The following PDE10A variants were observed in gnomAD, a reference collection of about 807,000 sequenced individuals.
The protein encoded by PDE10A is cAMP and cAMP-inhibited cGMP 3',5'-cyclic phosphodiesterase 10A.
In PDE10A, 39 loss-of-function variants were observed where a neutral mutation model predicts 97.7. That is an observed-to-expected ratio of 0.40 (90% CI 0.31 to 0.52). PDE10A has a LOEUF of 0.52. Ranked by LOEUF, PDE10A falls within the 20% of genes least tolerant of loss-of-function variation. The pLI, the probability that PDE10A is intolerant of heterozygous loss-of-function variation, is 0.56. For synonymous variants in PDE10A, 371 were observed against 376.8 expected (o/e 0.98, Z 0.18); for missense variants, 731 against 1,047.8 (o/e 0.70, Z 4.17).
At chr6:165,832,210 G>A (rs1229500274) in intron 1 of PDE10A, among the ~76,000 whole-genome samples, 3 of 151,960 alleles carry the variant, frequency 2.0e-5, no homozygotes, top group Non-Finnish European at 4.4e-5. Flanking sequence ...AAAATACTTA[G>A]TTCCTGTCAC....
chr6:165,884,859 G>A (rs1248728968), intron 1 of PDE10A, among the ~76,000 whole-genome samples: 1 of 152,156 alleles, frequency 6.6e-6, no homozygotes, highest in African/African-American at 2.4e-5. Flanking sequence ...AGGGCTTCAG[G>A]GCTAATTGGA....
At chr6:165,947,691 A>G (rs921774653) in intron 1 of PDE10A, among the ~76,000 whole-genome samples, 4 of 152,122 alleles carry the variant, frequency 2.6e-5, no homozygotes, top group Non-Finnish European at 5.9e-5. Context: ...GGACTCACGT[A>G]TTTTTATTGA....
Position 165,329,953 on chromosome 6 carries a change from T to C in PDE10A, c.*3072A>G, listed in dbSNP as rs1259600719. On this transcript the variant is annotated 3_prime_UTR_variant, in exon 22 of 22. Transcript: ENST00000539869. The stretch of plus-strand genomic sequence containing the variant: ...TATTAATAGGGCTATTTTTTAGAAT[T>C]AGTTTCCACATCCATTGTATTTCTT... The C allele has an allele frequency of 2.6e-5, 4 of 152,232 alleles. No individual in the cohort carries two copies. The highest frequency in any genetic ancestry group is 4.8e-5 in the African/African-American group (2 of 41,458). The allele number at this position is 152,232 out of a possible 1,614,324, so 9.4% of individuals were successfully genotyped here. A position where few individuals can be genotyped will look rare whatever the true frequency, so the allele number is the denominator to read the frequency against.
At chr6:165,799,894 C>T (rs148185810) in intron 1 of PDE10A, among the ~76,000 whole-genome samples, 3 of 152,192 alleles carry the variant, frequency 2.0e-5, no homozygotes, top group Non-Finnish European at 2.9e-5. Context: ...GCTTGGCCCA[C>T]GCTTTCTGCA....
intron 18 of PDE10A, among the ~76,000 whole-genome samples, chr6:165,361,713 C>G (rs998706546): frequency 3.3e-5 from 5 of 152,120 alleles, no homozygotes; most frequent in Non-Finnish European, 7.4e-5. Context: ...TGGAGTGATA[C>G]TCTCATAGAC....
rs1207879704 is a variant in PDE10A, at chr6:165,588,271, A to AT, written c.866-44704dup. ...TGGAGAGTGAGGGAAATAAAGTGAGATTTTTTTTTCTTTTTTTTTTTTTTT... is the reference window on the plus strand; with the variant it reads ...TGGAGAGTGAGGGAAATAAAGTGAGATTTTTTTTTTCTTTTTTTTTTTTTTT... On this transcript the variant is annotated intron_variant, in intron 1 of 21. Coordinates refer to ENST00000539869, the MANE Select transcript of PDE10A (RefSeq NM_001385079.1). Among the ~76,000 whole-genome samples, 196 of 103,372 alleles carry AT rather than the reference A, an allele frequency of 1.9e-3. 1 individual carries two copies. Among genetic ancestry groups the AT allele is most frequent in the African/African-American group, 6.0e-3 (163 of 26,966 alleles). The allele number at this position is 103,372 out of a possible 152,430, so 67.8% of individuals were successfully genotyped here.
chr6:165,667,337 C>G (rs1372727890), upstream of PDE10A, among the ~76,000 whole-genome samples: 2 of 152,108 alleles, frequency 1.3e-5, no homozygotes, highest in African/African-American at 2.4e-5. Context: ...TTTGTAGTCT[C>G]TTATCCTTCA....
At chr6:165,987,930 G>C in exon 1 of PDE10A, 1 of 373,096 alleles carries the variant, frequency 2.7e-6, no homozygotes, top group South Asian at 2.0e-5. Context: ...CAGCAACTTC[G>C]GACTCAGACC....
At chr6:165,530,680 C>T (rs142019622) in intron 2 of PDE10A, among the ~76,000 whole-genome samples, 3,003 of 152,124 alleles carry the variant, frequency 0.02, 54 homozygotes, top group Non-Finnish European at 0.025. Flanking sequence ...TTCTTTGATG[C>T]TCCACAAACG....
intron 9 of PDE10A, among the ~76,000 whole-genome samples, chr6:165,429,773 T>C (rs1284589877): frequency 6.6e-6 from 1 of 152,110 alleles, no homozygotes; most frequent in African/African-American, 2.4e-5. Context: ...ATATCTATTA[T>C]ATAATTGCTT....
intron 1 of PDE10A, among the ~76,000 whole-genome samples, chr6:165,861,503 C>T (rs905193190): frequency 7.9e-5 from 12 of 151,516 alleles, no homozygotes; most frequent in South Asian, 4.2e-4. Context: ...AAAGGGGGGA[C>T]GAGGGCCCCA....
At chr6:165,752,757 C>T (rs1222876168) in intron 1 of PDE10A, among the ~76,000 whole-genome samples, 1 of 152,126 alleles carries the variant, frequency 6.6e-6, no homozygotes, top group Non-Finnish European at 1.5e-5. Flanking sequence ...ACAAAATGCT[C>T]ATGTATTGGT....
chr6:165,398,974 G>A (rs1024616642), intron 13 of PDE10A, among the ~76,000 whole-genome samples: 10 of 152,128 alleles, frequency 6.6e-5, no homozygotes, highest in African/African-American at 2.4e-4. Context: ...AAATTAAAAT[G>A]ATGGAAAAGA....
chr6:165,634,761 T>C (rs78005318), intron 1 of PDE10A, among the ~76,000 whole-genome samples: 1,918 of 152,256 alleles, frequency 0.013, 46 homozygotes, highest in African/African-American at 0.044. Context: ...AAGTAACCAC[T>C]TGTTCTGGAA....
intron 1 of PDE10A, among the ~76,000 whole-genome samples, chr6:165,806,136 G>T (rs1008184698): frequency 6.7e-6 from 1 of 149,656 alleles, no homozygotes; most frequent in East Asian, 2.0e-4. Context: ...GGGCCAGAGG[G>T]TACTCAGGCA....
intron 1 of PDE10A, among the ~76,000 whole-genome samples, chr6:165,839,449 TTTCCCAATTCTA>T (rs1230888172): frequency 1.3e-5 from 2 of 152,232 alleles, no homozygotes; most frequent in Admixed American, 6.5e-5. Flanking sequence ...GATTTCTTTT[TTTCCCAATTCTA>T]TTCCCAATAG....
At chr6:165,813,462 C>T (rs1779332879) in intron 1 of PDE10A, among the ~76,000 whole-genome samples, 1 of 151,072 alleles carries the variant, frequency 6.6e-6, no homozygotes, top group South Asian at 2.1e-4. Context: ...ATGACCAAAT[C>T]AGGTCATAAA....
chr6:165,488,573 C>G (rs1780050954), intron 2 of PDE10A, among the ~76,000 whole-genome samples: 1 of 152,104 alleles, frequency 6.6e-6, no homozygotes. Flanking sequence ...AAGGAACATC[C>G]CAGGCAAGCC....
intron 3 of PDE10A, among the ~76,000 whole-genome samples, chr6:165,478,201 T>C (rs1054513446): frequency 6.6e-6 from 1 of 152,216 alleles, no homozygotes; most frequent in Non-Finnish European, 1.5e-5. Flanking sequence ...TATAGTTTTC[T>C]GCATAACAGT....
Sources: gnomAD v4.1 joint callset for allele counts (sites outside exome capture counted in the v4.1 genomes callset) on GRCh38, gnomAD v4.1.1 for gene constraint, MANE v1.5 for transcripts, NCBI Gene and HGNC (gene_info 2026-07-23, HGNC 2026-07-21) for gene names.